MYO5B: variants seen among roughly 807,000 people sequenced by gnomAD.
The protein encoded by MYO5B is myosin VB, also known as unconventional myosin-Vb.
In MYO5B, 143 loss-of-function variants were observed where a neutral mutation model predicts 229.3. The observed-to-expected ratio is 0.62, with a 90% CI of 0.54 to 0.72. MYO5B has a LOEUF of 0.72. Among genes scored for constraint, MYO5B ranks in the 30% least tolerant of loss-of-function variants. MYO5B has a pLI of 0.00. For synonymous variants in MYO5B, 918 were observed against 885.2 expected, an observed-to-expected ratio of 1.04 and a Z score of -0.66; for missense variants, 2,321 against 2,331.0, an observed-to-expected ratio of 1.00 and a Z score of 0.09.
At chr18:50,108,933 C>A (rs7235033) in intron 1 of MYO5B, among the ~76,000 whole-genome samples, 15,707 of 152,210 alleles carry the variant, frequency 0.1, 1,559 homozygotes, top group African/African-American at 0.26. Flanking sequence ...ATACAGTTCA[C>A]CTGGCTTTGA....
chr18:49,927,839 C>T (rs995767350), intron 17 of MYO5B, among the ~76,000 whole-genome samples: 9 of 152,182 alleles, frequency 5.9e-5, no homozygotes, highest in Admixed American at 3.3e-4. Context: ...GCTTGGGCAA[C>T]GACTTCATGA....
chr18:49,962,736 C>T (rs927381008), intron 11 of MYO5B, among the ~76,000 whole-genome samples: 2 of 151,992 alleles, frequency 1.3e-5, no homozygotes, highest in African/African-American at 4.8e-5. Flanking sequence ...AAGAGAAGAT[C>T]ATTTCCCCTC....
At position 50,078,639 on chromosome 18, in the gene MYO5B, G is replaced by A. The variant is rs140097718; in HGVS notation, c.28-23261C>T. ...GGAACAAGCCTTTATTTTTATGAAC[G>A]TGTCAACAGGTAAAACCATTTTGGA... On this transcript the variant is annotated intron_variant, in intron 1 of 39. Transcript: ENST00000285039. Among the ~76,000 whole-genome samples, 313 of 152,238 alleles carry A rather than the reference G, an allele frequency of 2.1e-3. 1 individual carries two copies. Among genetic ancestry groups the A allele is most frequent in the Non-Finnish European group, 3.2e-3 (220 of 68,012 alleles).
At chr18:50,148,539 T>C (rs1479216279) in intron 1 of MYO5B, among the ~76,000 whole-genome samples, 1 of 152,134 alleles carries the variant, frequency 6.6e-6, no homozygotes, top group Non-Finnish European at 1.5e-5. Context: ...TATATGCAAA[T>C]CAATAAATGT....
chr18:49,945,936 G>A (rs2025367701), intron 14 of MYO5B, among the ~76,000 whole-genome samples: 1 of 152,206 alleles, frequency 6.6e-6, no homozygotes, highest in South Asian at 2.1e-4. Flanking sequence ...TGTGATTCAT[G>A]CCTGTCTGTC....
At chr18:50,035,806 T>C (rs1160458168) in intron 4 of MYO5B, among the ~76,000 whole-genome samples, 2 of 152,244 alleles carry the variant, frequency 1.3e-5, no homozygotes, top group Non-Finnish European at 2.9e-5. Context: ...ATTAGATTTT[T>C]CAGCTCTCCA....
At chr18:49,872,315 C>G in intron 26 of MYO5B, 83 bp from the exon 27 acceptor site, 1 of 1,384,080 alleles carries the variant, frequency 7.2e-7, no homozygotes, top group Non-Finnish European at 1.0e-6. Context: ...GTCAAACTTG[C>G]TCATCCTGCC....
chr18:50,116,844 CA>C (rs35037356), intron 1 of MYO5B, among the ~76,000 whole-genome samples: 20,858 of 125,186 alleles, frequency 0.17, 1,532 homozygotes, highest in South Asian at 0.28. Flanking sequence ...ACTGAGTTAC[CA>C]AAAAAAAAAA....
Position 49,843,424 on chromosome 18 carries a change from T to G in MYO5B, c.4460-32A>C, listed in dbSNP as rs371179527. On this transcript the variant is annotated intron_variant, in intron 33 of 39. Transcript: ENST00000285039. ...GCAACGAGAGCAGCAAATGGCAAGT[T>G]AGATCTATGGGGGACAATGGAGGCT... 10 of 1,613,328 alleles carry G rather than the reference T, an allele frequency of 6.2e-6. No homozygotes were observed. The African/African-American group carries it at 1.3e-4, about 22-fold the overall frequency.
At chr18:50,036,540 A>C (rs2026450419) in intron 4 of MYO5B, among the ~76,000 whole-genome samples, 1 of 152,222 alleles carries the variant, frequency 6.6e-6, no homozygotes, top group South Asian at 2.1e-4. Flanking sequence ...ATTATACCAT[A>C]AAGGGAGGAA....
intron 27 of MYO5B, among the ~76,000 whole-genome samples, chr18:49,868,457 T>A (rs751545510): frequency 2.0e-5 from 3 of 152,220 alleles, no homozygotes; most frequent in Non-Finnish European, 4.4e-5. Context: ...TCTCTATCAT[T>A]CTTGCACAAA....
chr18:50,114,801 C>T (rs1457327640), intron 1 of MYO5B, among the ~76,000 whole-genome samples: 1 of 152,112 alleles, frequency 6.6e-6, no homozygotes, highest in Non-Finnish European at 1.5e-5. Context: ...GGTGTTACCT[C>T]CACAGGTGGA....
chr18:50,089,683 G>C (rs2031405262), intron 1 of MYO5B, among the ~76,000 whole-genome samples: 1 of 152,094 alleles, frequency 6.6e-6, no homozygotes, highest in Non-Finnish European at 1.5e-5. Flanking sequence ...GAAAGGAAAA[G>C]AGGTCCTTGG....
At position 49,890,929 on chromosome 18, in the gene MYO5B, A is replaced by G. The variant is rs568921516; in HGVS notation, c.3045+4012T>C. ...TGGATAGTAAGACAACTTTGAAACA[A>G]TGGCTAAAATATCTTCAAAATGGTC... is the stretch of plus-strand genomic sequence containing the variant. On this transcript the variant is annotated intron_variant, in intron 22 of 39. Coordinates refer to ENST00000285039, the MANE Select transcript of MYO5B (RefSeq NM_001080467.3). Among the ~76,000 whole-genome samples, 20 of 152,328 alleles carry G rather than the reference A, an allele frequency of 1.3e-4. No homozygotes were observed. In the South Asian group the frequency reaches 1.7e-3, roughly 13 times the overall value.
intron 26 of MYO5B, among the ~76,000 whole-genome samples, chr18:49,874,125 T>C (rs1324629317): frequency 6.6e-6 from 1 of 152,234 alleles, no homozygotes; most frequent in Non-Finnish European, 1.5e-5. Flanking sequence ...TTCCTTAAAC[T>C]GTCAGAAACA....
At chr18:49,935,669 G>A (rs2144208619) in intron 16 of MYO5B, among the ~76,000 whole-genome samples, 1 of 152,362 alleles carries the variant, frequency 6.6e-6, no homozygotes, top group South Asian at 2.1e-4. Flanking sequence ...ATCATTAAGA[G>A]TTCTACAGAT....
At chr18:50,113,302 C>T (rs2031900957) in intron 1 of MYO5B, among the ~76,000 whole-genome samples, 2 of 152,216 alleles carry the variant, frequency 1.3e-5, no homozygotes, top group South Asian at 4.1e-4. Context: ...GGTGCTTTGA[C>T]ATAAAACCAA....
chr18:50,133,231 A>G (rs1222041578), intron 1 of MYO5B, among the ~76,000 whole-genome samples: 1 of 150,314 alleles, frequency 6.7e-6, no homozygotes, highest in Non-Finnish European at 1.5e-5. Flanking sequence ...CAAGCCATAC[A>G]GAAACACTAT....
chr18:49,827,167 T>C (rs1002749293), intron 39 of MYO5B, among the ~76,000 whole-genome samples: 13 of 152,238 alleles, frequency 8.5e-5, no homozygotes, highest in African/African-American at 2.2e-4. Context: ...TGGAACTTGA[T>C]TGGACATTTA....
Sources: allele counts gnomAD v4.1 joint callset (sites outside exome capture counted in the v4.1 genomes callset), GRCh38; gene constraint gnomAD v4.1.1; transcripts MANE v1.5; gene names NCBI Gene and HGNC (gene_info 2026-07-23, HGNC 2026-07-21).